The following LNX1 variants were observed in gnomAD, a reference collection of about 807,000 sequenced individuals.
LNX1 encodes E3 ubiquitin-protein ligase LNX.
Under a neutral mutation model 68.4 loss-of-function variants are expected in LNX1, and 54 were observed. The observed-to-expected ratio is 0.79, with a 90% CI of 0.63 to 0.99. The LOEUF is 0.99. Among genes scored for constraint, LNX1 ranks in the 50% least tolerant of loss-of-function variants. The probability of loss-of-function intolerance (pLI) is 0.00; values close to 1 mark genes in which losing one functional copy is unlikely to be tolerated. For synonymous variants in LNX1, 336 were observed against 350.0 expected, an observed-to-expected ratio of 0.96 and a Z score of 0.45; for missense variants, 906 against 926.4, an observed-to-expected ratio of 0.98 and a Z score of 0.29.
chr4:53,576,233 C>T (rs759733462), intron 1 of LNX1: 48 of 1,605,736 alleles, frequency 3.0e-5, no homozygotes, highest in Middle Eastern at 1.6e-4. Flanking sequence ...TTCCTGCAGC[C>T]GAGGGTCCTG....
chr4:53,496,535 C>G, intron 5 of LNX1, 141 bp from the exon 6 acceptor site: 1 of 1,053,526 alleles, frequency 9.5e-7, no homozygotes, highest in Non-Finnish European at 1.3e-6. Context: ...AATAACCGCA[C>G]CTTCCAACAG....
At chr4:53,466,273 T>G (rs958875907) in intron 9 of LNX1, among the ~76,000 whole-genome samples, 5 of 152,210 alleles carry the variant, frequency 3.3e-5, no homozygotes, top group African/African-American at 1.2e-4. Context: ...AATAGGCTAC[T>G]TCTCTAATTT....
At chr4:53,527,720 A>G (rs918993040) in intron 2 of LNX1, among the ~76,000 whole-genome samples, 3 of 152,214 alleles carry the variant, frequency 2.0e-5, no homozygotes, top group Admixed American at 1.3e-4. Context: ...CACACATCCA[A>G]ATTACAGGGT....
In LNX1 at chr4:53,508,100, T is replaced by G. The variant is rs750206183; in HGVS notation, c.508A>C (p.Ile170Leu). Residue 170 changes from isoleucine (I) to leucine (L), a missense_variant, in exon 3 of 11, where the codon ATC (isoleucine) becomes CTC (leucine). Ile to Leu is a conservative substitution (Grantham distance 5). Coordinates refer to ENST00000263925, the MANE Select transcript of LNX1 (RefSeq NM_001126328.3). ...CCAGGCTCGTCTGTCATTAAGGAGA[T>G]GGTGGCAGCTGCAGAAACCTCTGGG... ...PSPEVSAAAT[I>L]SLMTDEPGLD... 10 of 1,613,932 alleles carry G rather than the reference T, an allele frequency of 6.2e-6. No homozygotes were observed. The highest frequency in any genetic ancestry group is 5.9e-6 in the Non-Finnish European group (7 of 1,179,996).
intron 1 of LNX1, chr4:53,575,866 C>T: frequency 6.3e-7 from 1 of 1,589,720 alleles, no homozygotes; most frequent in Non-Finnish European, 8.6e-7. Flanking sequence ...TAGAAAGTTG[C>T]TGAAGTTTGT....
chr4:53,584,907 G>T (rs537500069), intron 1 of LNX1, among the ~76,000 whole-genome samples: 4 of 152,254 alleles, frequency 2.6e-5, no homozygotes, highest in Non-Finnish European at 5.9e-5. Context: ...TATCACATTT[G>T]CTTACTCAAA....
chr4:53,506,388 G>C (rs1376934758), intron 4 of LNX1, among the ~76,000 whole-genome samples: 2 of 152,044 alleles, frequency 1.3e-5, no homozygotes, highest in East Asian at 3.9e-4. Flanking sequence ...AAAGACAGTA[G>C]GACAGTATTT....
intron 1 of LNX1, among the ~76,000 whole-genome samples, chr4:53,631,901 A>G (rs776197869): frequency 2.0e-5 from 3 of 151,980 alleles, no homozygotes; most frequent in African/African-American, 4.8e-5. Flanking sequence ...GACTCGGTGT[A>G]ATTCTATAGT....
intron 1 of LNX1, among the ~76,000 whole-genome samples, chr4:53,582,727 T>TA (rs1237980076): frequency 2.4e-4 from 36 of 152,032 alleles, no homozygotes; most frequent in African/African-American, 5.1e-4. Flanking sequence ...GTTTTTTTTT[T>TA]AATTGTTGAT....
At chr4:53,549,976 C>T (rs949842183) in intron 2 of LNX1, among the ~76,000 whole-genome samples, 1 of 152,128 alleles carries the variant, frequency 6.6e-6, no homozygotes, top group Non-Finnish European at 1.5e-5. Context: ...TTAGGGTGGC[C>T]TCCCTAGGAG....
At chr4:53,601,815 A>G (rs921799894) in intron 2 of LNX1, among the ~76,000 whole-genome samples, 2 of 152,120 alleles carry the variant, frequency 1.3e-5, no homozygotes, top group Non-Finnish European at 2.9e-5. Flanking sequence ...AAGGAACCAC[A>G]TGCCAGGGGT....
chr4:53,464,758 A>G (rs1192536602), intron 9 of LNX1, among the ~76,000 whole-genome samples: 1 of 147,148 alleles, frequency 6.8e-6, no homozygotes, highest in African/African-American at 2.5e-5. Context: ...AGAAATGTTC[A>G]GGAGAACAGA....
intron 2 of LNX1, among the ~76,000 whole-genome samples, chr4:53,528,266 G>A (rs534250484): frequency 5.3e-5 from 8 of 152,274 alleles, no homozygotes; most frequent in South Asian, 4.1e-4. Context: ...TTTGCTTTCC[G>A]CAGTTTCAGT....
chr4:53,590,228 A>G lies in LNX1; in HGVS notation c.-87+1160T>C, dbSNP rs73147490. Among the ~76,000 whole-genome samples the G allele has an allele frequency of 9.5e-3, 1,453 of 152,302 alleles. 15 individuals are homozygous for G. The highest frequency in any genetic ancestry group is 0.034 in the African/African-American group (1,395 of 41,558). On this transcript the variant is annotated intron_variant, in intron 1 of 10. Transcript: ENST00000263925. Reference sequence around the variant, plus strand: ...GGAACGACTGTCTGTCTAAGGCAAAAATGATCTCAGCTTGTTTCAATTCAT... The same window carrying G: ...GGAACGACTGTCTGTCTAAGGCAAAGATGATCTCAGCTTGTTTCAATTCAT...
rs530727304 is a variant in LNX1, at chr4:53,503,058, A to C, written c.776-4215T>G. The stretch of plus-strand genomic sequence containing the variant: ...TCATTCTCCTGCCTCAGCCTCCCGG[A>C]ATTTGGTCATATCTTTAAGCTCCAC... On this transcript the variant is annotated intron_variant, in intron 4 of 10. Transcript: ENST00000263925. Among the ~76,000 whole-genome samples the C allele has an allele frequency of 5.3e-5, 8 of 151,906 alleles. No individual in the cohort carries two copies. In the South Asian group the frequency reaches 1.7e-3, roughly 32 times the overall value.
intron 1 of LNX1, among the ~76,000 whole-genome samples, chr4:53,650,273 G>A (rs545236934): frequency 7.2e-5 from 11 of 152,168 alleles, no homozygotes; most frequent in African/African-American, 1.4e-4. Context: ...GCACCTGTGC[G>A]GGGTGTGGAG....
rs1219574589 is a variant in LNX1, at chr4:53,460,178, T to C, written c.*729A>G. 5.1e-6 allele frequency: 1 copy of C among 197,580 alleles called. No individual in the cohort carries two copies. The highest frequency in any genetic ancestry group is 2.3e-5 in the African/African-American group (1 of 43,394). The allele number at this position is 197,580 out of a possible 1,614,324, so 12.2% of individuals were successfully genotyped here. On this transcript the variant is annotated 3_prime_UTR_variant, in exon 11 of 11. Coordinates refer to ENST00000263925, the MANE Select transcript of LNX1 (RefSeq NM_001126328.3). ...AGCCAGGGTCAAGCTGGTTTGGCCT[T>C]CTTGATGCATTTTCCAAGGCCCACT... is the stretch of plus-strand genomic sequence containing the variant.
At chr4:53,531,775 C>T (rs1178360103) in intron 2 of LNX1, among the ~76,000 whole-genome samples, 1 of 152,180 alleles carries the variant, frequency 6.6e-6, no homozygotes, top group African/African-American at 2.4e-5. Flanking sequence ...TTTTTCTTGA[C>T]ATCAGATCAT....
chr4:53,574,877 T>A (rs376410324), intron 1 of LNX1, among the ~76,000 whole-genome samples: 2 of 152,282 alleles, frequency 1.3e-5, no homozygotes, highest in South Asian at 2.1e-4. Flanking sequence ...CTGAATTCAT[T>A]GTCTCTAGTC....
Sources: gnomAD v4.1 joint callset for allele counts (sites outside exome capture counted in the v4.1 genomes callset) on GRCh38, gnomAD v4.1.1 for gene constraint, MANE v1.5 for transcripts, NCBI Gene and HGNC (gene_info 2026-07-23, HGNC 2026-07-21) for gene names.